GALNTL6: variants seen among roughly 807,000 people sequenced by gnomAD.
GALNTL6 encodes the protein polypeptide N-acetylgalactosaminyltransferase-like 6.
GALNTL6 carries 46 observed loss-of-function variants against 73.7 expected under a neutral mutation model. That is an observed-to-expected ratio of 0.62 (90% CI 0.49 to 0.80). The LOEUF is 0.80. Ranked by LOEUF, GALNTL6 falls within the 30% of genes least tolerant of loss-of-function variation. The pLI is 0.00. For synonymous variants in GALNTL6, 259 were observed against 263.7 expected (o/e 0.98, Z 0.17); for missense variants, 604 against 755.0 (o/e 0.80, Z 2.34).
intron 7 of GALNTL6, among the ~76,000 whole-genome samples, chr4:172,864,431 G>A (rs556117743): frequency 2.0e-5 from 3 of 152,250 alleles, no homozygotes; most frequent in East Asian, 1.9e-4. Context: ...CCCTAAGAAA[G>A]AAGAAATAGA....
At chr4:171,894,626 T>A (rs1308000449) in intron 2 of GALNTL6, among the ~76,000 whole-genome samples, 1 of 152,204 alleles carries the variant, frequency 6.6e-6, no homozygotes, top group East Asian at 1.9e-4. Flanking sequence ...CCTCCCAAAG[T>A]GCTGGGATTA....
chr4:172,372,375 T>C (rs1742849729), intron 5 of GALNTL6, among the ~76,000 whole-genome samples: 1 of 152,228 alleles, frequency 6.6e-6, no homozygotes. Flanking sequence ...GGCAGTTGTC[T>C]GATAGCCATA....
At chr4:171,906,342 A>G (rs1361104059) in intron 2 of GALNTL6, among the ~76,000 whole-genome samples, 2 of 151,494 alleles carry the variant, frequency 1.3e-5, no homozygotes, top group Admixed American at 1.3e-4. Context: ...AATACAAACT[A>G]CCATCAGAGA....
intron 2 of GALNTL6, among the ~76,000 whole-genome samples, chr4:171,895,719 A>C (rs1264608868): frequency 6.6e-6 from 1 of 152,202 alleles, no homozygotes; most frequent in Non-Finnish European, 1.5e-5. Context: ...AAGAAAGTGA[A>C]GCCATTTCTG....
intron 5 of GALNTL6, among the ~76,000 whole-genome samples, chr4:172,482,766 T>G (rs1169775529): frequency 6.6e-6 from 1 of 152,214 alleles, no homozygotes; most frequent in Admixed American, 6.5e-5. Flanking sequence ...ATTCATCTTT[T>G]CCACTGAAAT....
rs968830490 is a variant in GALNTL6, at chr4:171,934,043, A to G, written c.138+119325A>G. Among the ~76,000 whole-genome samples, 33 of 152,220 alleles carry G rather than the reference A, an allele frequency of 2.2e-4. 1 individual carries two copies. Among genetic ancestry groups the G allele is most frequent in the Non-Finnish European group, 2.9e-5 (2 of 68,036 alleles). On this transcript the variant is annotated intron_variant, in intron 2 of 12. Coordinates refer to ENST00000506823, the MANE Select transcript of GALNTL6 (RefSeq NM_001034845.3). ...AAGTTTTTGGCTTCATTAACTTACA[A>G]GAATCTACTTTTAACATATCTTCTG...
chr4:172,019,615 A>C (rs755522745), intron 2 of GALNTL6, among the ~76,000 whole-genome samples: 18 of 152,158 alleles, frequency 1.2e-4, no homozygotes, highest in Non-Finnish European at 1.6e-4. Context: ...CAGCAAGAGG[A>C]TATAACAATT....
chr4:172,085,038 T>C (rs1579122788), intron 2 of GALNTL6, among the ~76,000 whole-genome samples: 1 of 152,246 alleles, frequency 6.6e-6, no homozygotes, highest in Admixed American at 6.5e-5. Context: ...TTAAGGTATT[T>C]CTATTAGAAA....
At chr4:172,983,501 C>A (rs1487622036) in intron 10 of GALNTL6, among the ~76,000 whole-genome samples, 1 of 152,130 alleles carries the variant, frequency 6.6e-6, no homozygotes, top group East Asian at 1.9e-4. Flanking sequence ...TTGAGACCAG[C>A]CTGGCCAACA....
At chr4:172,879,193 C>T (rs565103264) in intron 7 of GALNTL6, among the ~76,000 whole-genome samples, 37 of 151,770 alleles carry the variant, frequency 2.4e-4, no homozygotes, top group African/African-American at 8.7e-4. Context: ...ATTTCAATAC[C>T]CCTCTTTCAG....
At chr4:172,964,744 T>C (rs936248380) in intron 10 of GALNTL6, among the ~76,000 whole-genome samples, 3 of 152,228 alleles carry the variant, frequency 2.0e-5, no homozygotes, top group African/African-American at 7.2e-5. Flanking sequence ...AGTTCAACAC[T>C]AGGAGATGCA....
intron 5 of GALNTL6, among the ~76,000 whole-genome samples, chr4:172,560,523 CAGA>C (rs1736315369): frequency 1.3e-5 from 2 of 151,922 alleles, no homozygotes; most frequent in Non-Finnish European, 2.9e-5. Flanking sequence ...GCAACATTTG[CAGA>C]AGGTTGTGGG....
At chr4:172,420,605 A>T (rs1167177485) in intron 5 of GALNTL6, among the ~76,000 whole-genome samples, 1 of 152,102 alleles carries the variant, frequency 6.6e-6, no homozygotes, top group Non-Finnish European at 1.5e-5. Flanking sequence ...TGTCTCATGT[A>T]CTCTACATCC....
intron 5 of GALNTL6, among the ~76,000 whole-genome samples, chr4:172,566,885 A>T (rs966446058): frequency 1.3e-4 from 20 of 152,100 alleles, no homozygotes; most frequent in Non-Finnish European, 2.9e-4. Flanking sequence ...ATTATGCACA[A>T]TTACACACCA....
intron 3 of GALNTL6, among the ~76,000 whole-genome samples, chr4:172,293,096 A>T (rs1314949673): frequency 6.6e-6 from 1 of 152,178 alleles, no homozygotes; most frequent in East Asian, 1.9e-4. Context: ...TAAAACTTTC[A>T]TGAGTTGTCT....
chr4:173,028,660 A>G (rs1753332025), intron 12 of GALNTL6, among the ~76,000 whole-genome samples: 1 of 152,184 alleles, frequency 6.6e-6, no homozygotes, highest in Non-Finnish European at 1.5e-5. Context: ...GGCTTAAAGA[A>G]CCACTAGTTC....
chr4:172,633,363 G>A (rs1345199736), intron 5 of GALNTL6, among the ~76,000 whole-genome samples: 1 of 152,208 alleles, frequency 6.6e-6, no homozygotes, highest in Non-Finnish European at 1.5e-5. Flanking sequence ...TGTAAGACAT[G>A]GAGTCAAAGA....
At chr4:172,822,775 G>A (rs1033554434) in intron 7 of GALNTL6, among the ~76,000 whole-genome samples, 2 of 152,114 alleles carry the variant, frequency 1.3e-5, no homozygotes, top group Non-Finnish European at 2.9e-5. Flanking sequence ...ACTGTTTTTC[G>A]TAGGGGTTTT....
chr4:172,913,452 G>A (rs1442657255), intron 8 of GALNTL6, among the ~76,000 whole-genome samples: 1 of 152,182 alleles, frequency 6.6e-6, no homozygotes, highest in African/African-American at 2.4e-5. Flanking sequence ...TCGAGCTAAA[G>A]GAGGATGTTC....
Sources: gnomAD v4.1 joint callset for allele counts (sites outside exome capture counted in the v4.1 genomes callset) on GRCh38, gnomAD v4.1.1 for gene constraint, MANE v1.5 for transcripts, NCBI Gene and HGNC (gene_info 2026-07-23, HGNC 2026-07-21) for gene names.